The following MYO5C variants were observed in gnomAD, a reference collection of about 807,000 sequenced individuals.
MYO5C encodes myosin VC.
In MYO5C, 194 loss-of-function variants were observed where a neutral mutation model predicts 235.7. That is an observed-to-expected ratio of 0.82 (90% CI 0.73 to 0.93). The LOEUF is 0.93. MYO5C is among the 40% of genes least tolerant of loss of function. The pLI is 0.00. For synonymous variants in MYO5C, 707 were observed against 754.8 expected, an observed-to-expected ratio of 0.94 and a Z score of 1.04; for missense variants, 2,038 against 2,127.2, an observed-to-expected ratio of 0.96 and a Z score of 0.82.
Position 52,260,995 on chromosome 15 carries a change from C to T in MYO5C, c.1180G>A (p.Ala394Thr). 2 of 1,614,218 alleles carry T rather than the reference C, an allele frequency of 1.2e-6. No homozygotes were observed. Among genetic ancestry groups the T allele is most frequent in the Non-Finnish European group, 1.7e-6 (2 of 1,180,040 alleles). The part of the protein sequence containing the change: ...TVVKPMTRPQ[A>T]VNARDALAKK... ...GCCAGTGCATCCCTGGCGTTGACAG[C>T]CTGAGGCCTGGTCATGGGTTTTACC... Residue 394 changes from alanine to threonine, a missense_variant, in exon 10 of 41, where the codon GCT (alanine) becomes ACT (threonine). Transcript: ENST00000261839.
intron 4 of MYO5C, among the ~76,000 whole-genome samples, chr15:52,276,377 C>T (rs915893209): frequency 2.0e-5 from 3 of 152,200 alleles, no homozygotes; most frequent in African/African-American, 7.2e-5. Context: ...ACACAGGACA[C>T]ATTCAATTCT....
Position 52,269,961 on chromosome 15 carries a change from G to A in MYO5C, c.833-101C>T. 3.6e-6 allele frequency: 3 copies of A among 823,486 alleles called. No homozygotes were observed. The South Asian group carries it at 4.3e-5, about 12-fold the overall frequency. 51.0% of individuals were successfully genotyped at this position (823,486 alleles called of 1,614,324 possible). On this transcript the variant is annotated intron_variant, in intron 7 of 40. Transcript: ENST00000261839. The stretch of plus-strand genomic sequence containing the variant: ...GTTCATACTCAAAGAACTGTGTCAT[G>A]CACTTTACACAGTTTATTCCATTTA...
chr15:52,219,854 G>A, intron 30 of MYO5C, 32 bp from the exon 31 acceptor site: 2 of 1,533,858 alleles, frequency 1.3e-6, no homozygotes, highest in Non-Finnish European at 1.8e-6. Context: ...GTACTTTGGG[G>A]GGGCACATAT....
chr15:52,269,831 T>A lies in MYO5C; in HGVS notation c.862A>T (p.Met288Leu). ...GSAEEFNYTR[M>L]GGNTVIEGVN... The stretch of plus-strand genomic sequence containing the variant: ...CCCTCAATGACAGTATTGCCTCCCA[T>A]TCTTGTATAATTAAATTCTTCGGCA... Residue 288 changes from methionine (M) to leucine (L), a missense_variant, in exon 8 of 41, where the codon ATG (methionine) becomes TTG (leucine). Coordinates refer to ENST00000261839, the MANE Select transcript of MYO5C (RefSeq NM_018728.4). 1 of 1,613,384 alleles carries A rather than the reference T, an allele frequency of 6.2e-7. No homozygotes were observed. The highest frequency in any genetic ancestry group is 8.5e-7 in the Non-Finnish European group (1 of 1,179,422).
At chr15:52,249,730 C>T (rs1246868158) in intron 13 of MYO5C, among the ~76,000 whole-genome samples, 1 of 152,212 alleles carries the variant, frequency 6.6e-6, no homozygotes, top group Non-Finnish European at 1.5e-5. Flanking sequence ...AAATACAGAG[C>T]TTTCCTGGTC....
At chr15:52,260,715 T>G in intron 10 of MYO5C, 147 bp downstream of exon 10, 1 of 814,832 alleles carries the variant, frequency 1.2e-6, no homozygotes, top group Non-Finnish European at 1.9e-6. Context: ...CCCAGGAGAG[T>G]GTACTTAGCA....
chr15:52,209,603 C>A (rs1327995111), intron 35 of MYO5C, among the ~76,000 whole-genome samples: 1 of 152,160 alleles, frequency 6.6e-6, no homozygotes. Context: ...AGTCCTCATA[C>A]CACACATCTC....
At chr15:52,254,404 G>A (rs1402094135) in intron 11 of MYO5C, among the ~76,000 whole-genome samples, 2 of 152,282 alleles carry the variant, frequency 1.3e-5, no homozygotes, top group Non-Finnish European at 2.9e-5. Flanking sequence ...GGTCCATGGC[G>A]TGACTTGACC....
intron 9 of MYO5C, among the ~76,000 whole-genome samples, chr15:52,262,435 G>C (rs1393684767): frequency 6.6e-6 from 1 of 152,126 alleles, no homozygotes; most frequent in Non-Finnish European, 1.5e-5. Flanking sequence ...TTAATCTATG[G>C]GGGTTTGGGG....
At chr15:52,229,090 T>C in intron 25 of MYO5C, 43 bp downstream of exon 25, 1 of 1,604,368 alleles carries the variant, frequency 6.2e-7, no homozygotes, top group Non-Finnish European at 8.5e-7. Context: ...TGCAATCAAA[T>C]GACGTAACCA....
chr15:52,206,521 G>C (rs1201759065), intron 36 of MYO5C, among the ~76,000 whole-genome samples: 2 of 152,082 alleles, frequency 1.3e-5, no homozygotes, highest in Admixed American at 1.3e-4. Flanking sequence ...CTAATAATAA[G>C]ATTGATGTCC....
At chr15:52,251,608 T>C in intron 12 of MYO5C, 93 bp from the exon 13 acceptor site, 1 of 847,376 alleles carries the variant, frequency 1.2e-6, no homozygotes, top group Admixed American at 2.9e-5. Context: ...CAAGGTGATT[T>C]GGCACTTAGT....
chr15:52,257,668 G>A (rs986834151), intron 10 of MYO5C, among the ~76,000 whole-genome samples: 5 of 152,174 alleles, frequency 3.3e-5, no homozygotes, highest in Non-Finnish European at 5.9e-5. Context: ...TATGTGAAGG[G>A]CTCCTGTGAC....
intron 19 of MYO5C, among the ~76,000 whole-genome samples, chr15:52,244,139 C>T (rs551894195): frequency 2.6e-4 from 40 of 152,230 alleles, no homozygotes; most frequent in African/African-American, 9.2e-4. Flanking sequence ...CCCTGGGTGT[C>T]GGCTCACCAC....
rs530165408 is a variant in MYO5C at position 52,227,079 on chromosome 15, G to A, written c.3208-1547C>T. Reference sequence around the variant, plus strand: ...AGGCATGAGAATCGCTTGAACCTGGGAGGCAGGTTGCAGTGAGCCAAGATG... The same window carrying A: ...AGGCATGAGAATCGCTTGAACCTGGAAGGCAGGTTGCAGTGAGCCAAGATG... On this transcript the variant is annotated intron_variant, in intron 25 of 40. Coordinates refer to ENST00000261839, the MANE Select transcript of MYO5C (RefSeq NM_018728.4). Among the ~76,000 whole-genome samples the A allele has an allele frequency of 1.4e-4, 21 of 152,052 alleles. No individual in the cohort carries two copies. The South Asian group carries it at 4.4e-3, about 32-fold the overall frequency.
intron 7 of MYO5C, among the ~76,000 whole-genome samples, chr15:52,270,927 A>C (rs2140843353): frequency 6.6e-6 from 1 of 152,334 alleles, no homozygotes; most frequent in Middle Eastern, 3.4e-3. Flanking sequence ...CTCATCTACC[A>C]GCATAGCACA....
intron 9 of MYO5C, 85 bp from the exon 10 acceptor site, chr15:52,261,212 A>T: frequency 6.7e-7 from 1 of 1,500,642 alleles, no homozygotes; most frequent in Non-Finnish European, 9.0e-7. Context: ...CCGTGCCCAC[A>T]CTCAGGCCTG....
At chr15:52,244,217 G>C (rs1191979100) in intron 19 of MYO5C, 139 bp downstream of exon 19, 7 of 740,394 alleles carry the variant, frequency 9.5e-6, no homozygotes, top group Non-Finnish European at 1.5e-5. Context: ...TAATGCTCAC[G>C]ACCACAAAGG....
At chr15:52,196,557 T>A in intron 38 of MYO5C, 74 bp from the exon 39 acceptor site, 1 of 1,451,150 alleles carries the variant, frequency 6.9e-7, no homozygotes, top group Non-Finnish European at 9.3e-7. Context: ...CCCGAGAGGG[T>A]ACCAGAGTTC....
Sources: allele counts gnomAD v4.1 joint callset (sites outside exome capture counted in the v4.1 genomes callset), GRCh38; gene constraint gnomAD v4.1.1; transcripts MANE v1.5; gene names NCBI Gene and HGNC (gene_info 2026-07-23, HGNC 2026-07-21).